TNFAIP8: variants seen among roughly 807,000 people sequenced by gnomAD.
TNFAIP8 encodes the protein tumor necrosis factor alpha-induced protein 8.
A neutral mutation model predicts 13.3 loss-of-function variants in TNFAIP8; 7 were observed. The ratio of observed to expected loss-of-function variants is 0.52; its 90% CI spans 0.30 to 0.99. TNFAIP8 has a LOEUF of 0.99. Among genes scored for constraint, TNFAIP8 ranks in the 50% least tolerant of loss-of-function variants. The probability of loss-of-function intolerance (pLI) is 0.07; values close to 1 mark genes in which losing one functional copy is unlikely to be tolerated. For missense variants in TNFAIP8, 258 were observed against 236.9 expected, an observed-to-expected ratio of 1.09 and a Z score of -0.58; for synonymous variants, 94 against 87.6, an observed-to-expected ratio of 1.07 and a Z score of -0.41.
At chr5:119,280,819 A>G (rs1748604097) in intron 1 of TNFAIP8, among the ~76,000 whole-genome samples, 1 of 152,192 alleles carries the variant, frequency 6.6e-6, no homozygotes, top group Non-Finnish European at 1.5e-5. Flanking sequence ...CACATAGGAA[A>G]GGGATGATAA....
At chr5:119,304,127 A>AT (rs1257681951) in intron 1 of TNFAIP8, among the ~76,000 whole-genome samples, 5 of 151,468 alleles carry the variant, frequency 3.3e-5, no homozygotes, top group African/African-American at 4.9e-5. Flanking sequence ...TTTAATTTTT[A>AT]TTTTTTGTAG....
In TNFAIP8 at chr5:119,372,697, T is replaced by C. The variant is rs1292726338; in HGVS notation, c.31+16576T>C. On this transcript the variant is annotated intron_variant, in intron 1 of 1. Coordinates refer to ENST00000504771, the MANE Select transcript of TNFAIP8 (RefSeq NM_014350.4). ...GTTAGTGGCTGGGCACTATGGCTCA[T>C]GCCTGTAATCCCAGCACTTTGGGAA... is the stretch of plus-strand genomic sequence containing the variant. 1.3e-5 allele frequency among the ~76,000 whole-genome samples: 2 copies of C among 152,190 alleles called. 1 individual carries two copies. The highest frequency in any genetic ancestry group is 3.9e-4 in the East Asian group (2 of 5,190).
At chr5:119,373,791 C>T (rs1752176809) in intron 1 of TNFAIP8, among the ~76,000 whole-genome samples, 2 of 152,122 alleles carry the variant, frequency 1.3e-5, no homozygotes, top group South Asian at 4.1e-4. Context: ...AAAATTAGTT[C>T]CTTTTCAGTG....
exon 1 of TNFAIP8, chr5:119,268,801 T>C: frequency 1.4e-6 from 1 of 696,278 alleles, no homozygotes; most frequent in Non-Finnish European, 2.6e-6. Flanking sequence ...CGCGCTTGGC[T>C]AAGGTCCGCG....
intron 1 of TNFAIP8, among the ~76,000 whole-genome samples, chr5:119,375,194 C>G (rs1382690311): frequency 6.6e-6 from 1 of 152,160 alleles, no homozygotes; most frequent in Non-Finnish European, 1.5e-5. Flanking sequence ...CACCTTTCCA[C>G]AGGGGAGCAA....
At chr5:119,383,479 G>T (rs151045052) in intron 1 of TNFAIP8, among the ~76,000 whole-genome samples, 1 of 152,208 alleles carries the variant, frequency 6.6e-6, no homozygotes, top group South Asian at 2.1e-4. Flanking sequence ...GATAATGTGT[G>T]TGTGGGAACA....
chr5:119,276,085 C>T (rs563818711), intron 1 of TNFAIP8, among the ~76,000 whole-genome samples: 5 of 151,756 alleles, frequency 3.3e-5, no homozygotes, highest in South Asian at 2.1e-4. Context: ...CTGAATTTTA[C>T]GCTTTAATCA....
chr5:119,273,112 GC>G (rs1338811779), intron 1 of TNFAIP8, among the ~76,000 whole-genome samples: 2 of 152,248 alleles, frequency 1.3e-5, no homozygotes, highest in African/African-American at 4.8e-5. Flanking sequence ...TCATGTCTCA[GC>G]CCCTGCTGGC....
intron 1 of TNFAIP8, among the ~76,000 whole-genome samples, chr5:119,279,169 A>G (rs1748554344): frequency 6.6e-6 from 1 of 152,218 alleles, no homozygotes; most frequent in Admixed American, 6.5e-5. Context: ...GTTTGCAGAT[A>G]AGGAATTGAG....
chr5:119,384,647 C>T (rs1354414652), intron 1 of TNFAIP8, among the ~76,000 whole-genome samples: 1 of 152,150 alleles, frequency 6.6e-6, no homozygotes, highest in East Asian at 1.9e-4. Flanking sequence ...ACCTCTGGCT[C>T]TGACTTTGGG....
At chr5:119,284,354 A>G (rs1369284290) in intron 1 of TNFAIP8, among the ~76,000 whole-genome samples, 2 of 142,454 alleles carry the variant, frequency 1.4e-5, no homozygotes, top group Non-Finnish European at 3.0e-5. Flanking sequence ...TCTTCAACAG[A>G]AAAAAAAAAT....
upstream of TNFAIP8, among the ~76,000 whole-genome samples, chr5:119,351,090 A>G (rs1404434564): frequency 1.3e-5 from 2 of 151,566 alleles, no homozygotes; most frequent in African/African-American, 2.4e-5. Context: ...GTGTATGATC[A>G]TAGCTCACTG....
intron 1 of TNFAIP8, among the ~76,000 whole-genome samples, chr5:119,302,742 C>T (rs1044014629): frequency 3.9e-5 from 6 of 152,120 alleles, no homozygotes; most frequent in Admixed American, 1.3e-4. Flanking sequence ...GACCTAAGAT[C>T]GTTCACCTGC....
chr5:119,334,052 G>C (rs1404205445), intron 1 of TNFAIP8, among the ~76,000 whole-genome samples: 1 of 151,594 alleles, frequency 6.6e-6, no homozygotes, highest in African/African-American at 2.4e-5. Flanking sequence ...TAACACCGTG[G>C]GGCAACCCGT....
At chr5:119,306,994 C>G (rs1197937093) in intron 1 of TNFAIP8, among the ~76,000 whole-genome samples, 1 of 152,080 alleles carries the variant, frequency 6.6e-6, no homozygotes. Flanking sequence ...TTTGTGGACT[C>G]TTAAGATGCT....
At chr5:119,287,167 T>C (rs912061327) in intron 1 of TNFAIP8, among the ~76,000 whole-genome samples, 5 of 152,160 alleles carry the variant, frequency 3.3e-5, no homozygotes, top group African/African-American at 9.7e-5. Flanking sequence ...TAAGGTTTTG[T>C]GTAGTTCTTT....
chr5:119,268,958 C>T (rs1748176666), intron 1 of TNFAIP8: 1 of 676,426 alleles, frequency 1.5e-6, no homozygotes, highest in Admixed American at 2.1e-5. Context: ...GCGCGCCTCT[C>T]CCGCCGCTGG....
At chr5:119,366,280 G>GA (rs1400312092) in intron 1 of TNFAIP8, among the ~76,000 whole-genome samples, 25 of 152,300 alleles carry the variant, frequency 1.6e-4, no homozygotes, top group South Asian at 6.2e-4. Context: ...TAACAGGAGA[G>GA]AAAGTGGGGT....
chr5:119,311,989 C>T (rs2112672309), intron 1 of TNFAIP8, among the ~76,000 whole-genome samples: 1 of 152,018 alleles, frequency 6.6e-6, no homozygotes, highest in Middle Eastern at 3.4e-3. Context: ...AGTGTGGAAC[C>T]ATGACAGAAA....
Sources: allele counts gnomAD v4.1 joint callset (sites outside exome capture counted in the v4.1 genomes callset), GRCh38; gene constraint gnomAD v4.1.1; transcripts MANE v1.5; gene names NCBI Gene and HGNC (gene_info 2026-07-23, HGNC 2026-07-21).